SPIDR: variants seen among roughly 807,000 people sequenced by gnomAD.
The protein encoded by SPIDR is DNA repair-scaffolding protein.
A neutral mutation model predicts 104.6 loss-of-function variants in SPIDR; 93 were observed. The ratio of observed to expected loss-of-function variants is 0.89; its 90% CI spans 0.75 to 1.06. The LOEUF is 1.06. Ranked by LOEUF, SPIDR falls within the 50% of genes least tolerant of loss-of-function variation. The pLI is 0.00. For missense variants in SPIDR, 1,154 were observed against 1,111.2 expected, an observed-to-expected ratio of 1.04 and a Z score of -0.55; for synonymous variants, 431 against 416.9, an observed-to-expected ratio of 1.03 and a Z score of -0.41.
At chr8:47,490,896 A>T (rs2078591045) in intron 8 of SPIDR, among the ~76,000 whole-genome samples, 1 of 152,174 alleles carries the variant, frequency 6.6e-6, no homozygotes, top group Non-Finnish European at 1.5e-5. Context: ...ACCTAATGTA[A>T]ATGACGGTGA....
At chr8:47,539,045 G>A (rs778595131) in intron 8 of SPIDR, among the ~76,000 whole-genome samples, 9 of 151,426 alleles carry the variant, frequency 5.9e-5, no homozygotes, top group Non-Finnish European at 1.2e-4. Context: ...TTTTTTAGTA[G>A]AGACGTGGTT....
At chr8:47,429,463 T>G (rs1391202083) in intron 7 of SPIDR, among the ~76,000 whole-genome samples, 1 of 152,240 alleles carries the variant, frequency 6.6e-6, no homozygotes, top group East Asian at 1.9e-4. Context: ...CTTTTATCTC[T>G]TAATGGTTTG....
intron 8 of SPIDR, among the ~76,000 whole-genome samples, chr8:47,501,393 C>A (rs908837180): frequency 2.0e-5 from 3 of 151,980 alleles, no homozygotes; most frequent in Admixed American, 2.0e-4. Flanking sequence ...GTATTTTATT[C>A]TCTTTGAAGC....
intron 5 of SPIDR, among the ~76,000 whole-genome samples, chr8:47,320,584 C>G (rs557782461): frequency 3.3e-5 from 5 of 152,192 alleles, no homozygotes; most frequent in African/African-American, 1.2e-4. Context: ...GGAATCCTCC[C>G]TAACTCATTT....
chr8:47,464,687 TCTCCC>T (rs766869950), intron 8 of SPIDR, among the ~76,000 whole-genome samples: 46 of 152,008 alleles, frequency 3.0e-4, no homozygotes, highest in South Asian at 6.3e-4. Flanking sequence ...TGTCCTGTCC[TCTCCC>T]CTCCCCTCCC....
intron 8 of SPIDR, among the ~76,000 whole-genome samples, chr8:47,534,398 T>C (rs963407011): frequency 2.6e-5 from 4 of 152,122 alleles, no homozygotes; most frequent in African/African-American, 9.7e-5. Flanking sequence ...CCATCAACAG[T>C]AGACTGGACA....
chr8:47,455,526 C>A (rs1233167579), intron 8 of SPIDR, among the ~76,000 whole-genome samples: 1 of 151,842 alleles, frequency 6.6e-6, no homozygotes, highest in Non-Finnish European at 1.5e-5. Context: ...AATTTCTTCT[C>A]TATTGATAAT....
chr8:47,290,844 T>C (rs1297243806), intron 3 of SPIDR, among the ~76,000 whole-genome samples, 189 bp from the exon 4 acceptor site: 1 of 152,230 alleles, frequency 6.6e-6, no homozygotes, highest in Non-Finnish European at 1.5e-5. Context: ...GAACTTGGCT[T>C]CGAACTCAGA....
intron 5 of SPIDR, among the ~76,000 whole-genome samples, chr8:47,314,263 A>T (rs587656143): frequency 6.6e-6 from 1 of 152,310 alleles, no homozygotes; most frequent in African/African-American, 2.4e-5. Flanking sequence ...AAAAATGCAA[A>T]GAGGTGATAA....
chr8:47,376,428 C>T (rs540836878), intron 5 of SPIDR, among the ~76,000 whole-genome samples: 31 of 152,264 alleles, frequency 2.0e-4, no homozygotes, highest in Admixed American at 1.7e-3. Flanking sequence ...ATATAGAACC[C>T]GGTCATGTCA....
chr8:47,355,271 TAAAAAAAAAAAAAAAA>T (rs34902790), intron 5 of SPIDR, among the ~76,000 whole-genome samples: 17 of 116,558 alleles, frequency 1.5e-4, no homozygotes, highest in African/African-American at 5.6e-4. Flanking sequence ...AGGTTTTTTG[TAAAAAAAAAAAAAAAA>T]AAAAATACTG....
At chr8:47,669,326 C>T (rs1045012775) in intron 10 of SPIDR, among the ~76,000 whole-genome samples, 5 of 152,192 alleles carry the variant, frequency 3.3e-5, no homozygotes, top group African/African-American at 9.6e-5. Context: ...GCGCAGGCTG[C>T]TGATAAGCTG....
chr8:47,283,705 C>G (rs2038262580), intron 2 of SPIDR, among the ~76,000 whole-genome samples: 1 of 152,130 alleles, frequency 6.6e-6, no homozygotes, highest in Non-Finnish European at 1.5e-5. Flanking sequence ...CAGAGTAATG[C>G]TATTACAAAT....
intron 8 of SPIDR, among the ~76,000 whole-genome samples, chr8:47,453,179 A>C (rs2072212525): frequency 6.6e-6 from 1 of 152,230 alleles, no homozygotes; most frequent in African/African-American, 2.4e-5. Context: ...CTCTTCAAGG[A>C]GAACTACAAA....
chr8:47,354,423 T>C (rs1160149461), intron 5 of SPIDR, among the ~76,000 whole-genome samples: 1 of 152,012 alleles, frequency 6.6e-6, no homozygotes, highest in Non-Finnish European at 1.5e-5. Context: ...TTGGAGCTTA[T>C]TGATCACTCA....
chr8:47,592,097 T>G, intron 8 of SPIDR: 2 of 1,297,192 alleles, frequency 1.5e-6, no homozygotes, highest in Non-Finnish European at 2.2e-6. Flanking sequence ...AAGGAGGAAG[T>G]CTTGGCAGAA....
intron 8 of SPIDR, among the ~76,000 whole-genome samples, chr8:47,562,026 T>A (rs961394246): frequency 6.6e-6 from 1 of 152,240 alleles, no homozygotes; most frequent in Non-Finnish European, 1.5e-5. Flanking sequence ...TTTATAATGT[T>A]CACTTCTTTT....
chr8:47,434,508 G>A (rs1435462524), intron 7 of SPIDR, among the ~76,000 whole-genome samples: 1 of 152,158 alleles, frequency 6.6e-6, no homozygotes, highest in African/African-American at 2.4e-5. Flanking sequence ...TAATGTAGGA[G>A]GAAAATTCCA....
intron 10 of SPIDR, chr8:47,654,246 C>G: frequency 1.7e-6 from 2 of 1,181,914 alleles, no homozygotes; most frequent in East Asian, 5.7e-5. Flanking sequence ...GTTTAAGAGA[C>G]AGGTTGGGAA....
Sources: gnomAD v4.1 joint callset for allele counts (sites outside exome capture counted in the v4.1 genomes callset) on GRCh38, gnomAD v4.1.1 for gene constraint, MANE v1.5 for transcripts, NCBI Gene and HGNC (gene_info 2026-07-23, HGNC 2026-07-21) for gene names.